ASIC2: variants seen among roughly 807,000 people sequenced by gnomAD.
The protein encoded by ASIC2 is acid-sensing ion channel 2.
In ASIC2, 25 loss-of-function variants were observed where a neutral mutation model predicts 57.3. That is an observed-to-expected ratio of 0.44 (90% confidence interval 0.32 to 0.61). The LOEUF (loss-of-function observed/expected upper bound fraction) is 0.61. ASIC2 is among the 20% of genes least tolerant of loss of function. The pLI, the probability that ASIC2 is intolerant of heterozygous loss-of-function variation, is 0.06. For missense variants in ASIC2, 641 were observed against 738.1 expected (o/e 0.87, Z 1.52); for synonymous variants, 319 against 307.5 (o/e 1.04, Z -0.39).
At chr17:33,674,939 A>G (rs984782571) in intron 1 of ASIC2, among the ~76,000 whole-genome samples, 1 of 152,198 alleles carries the variant, frequency 6.6e-6, no homozygotes, top group Non-Finnish European at 1.5e-5. Flanking sequence ...TTTGTCTTAA[A>G]AATGAGAATG....
chr17:33,182,259 A>C (rs950798923), intron 1 of ASIC2, among the ~76,000 whole-genome samples: 2 of 152,264 alleles, frequency 1.3e-5, no homozygotes, highest in South Asian at 4.1e-4. Flanking sequence ...TGGACTTTGT[A>C]AAAAACAAGA....
At chr17:34,151,583 G>A (rs2142144539) in intron 1 of ASIC2, among the ~76,000 whole-genome samples, 1 of 152,280 alleles carries the variant, frequency 6.6e-6, no homozygotes, top group Middle Eastern at 3.4e-3. Flanking sequence ...TGGTGGGTAA[G>A]GAGAGGACGT....
chr17:33,082,571 A>G (rs1044007678), intron 3 of ASIC2, among the ~76,000 whole-genome samples: 36 of 152,072 alleles, frequency 2.4e-4, no homozygotes, highest in African/African-American at 8.5e-4. Context: ...TGGTGGCACA[A>G]GCCTGTAATT....
intron 3 of ASIC2, among the ~76,000 whole-genome samples, chr17:33,081,496 T>C (rs142760762): frequency 4.5e-4 from 69 of 152,228 alleles, no homozygotes; most frequent in African/African-American, 1.6e-3. Flanking sequence ...TCCATATTTA[T>C]GCGGCTCCAT....
At chr17:33,350,582 T>C (rs1908124398) in intron 1 of ASIC2, among the ~76,000 whole-genome samples, 1 of 151,364 alleles carries the variant, frequency 6.6e-6, no homozygotes, top group African/African-American at 2.4e-5. Flanking sequence ...CTCAGGAGGC[T>C]GAGGCACGAG....
In ASIC2 at chr17:33,779,183, AC is replaced by A. The variant is rs964013854; in HGVS notation, c.555+376794del. ...AACTATTGGCAGTCATTTTGTAAAC[AC>A]ATTTGGCTTCCCAGGGTGTCTGCTT... On this transcript the variant is annotated intron_variant, in intron 1 of 9. Coordinates refer to the ASIC2 transcript ENST00000359872. 5.9e-5 allele frequency among the ~76,000 whole-genome samples: 9 copies of A among 152,158 alleles called. No homozygotes were observed. The South Asian group carries it at 1.2e-3, about 21-fold the overall frequency.
chr17:33,516,755 A>G (rs1914584547), intron 1 of ASIC2, among the ~76,000 whole-genome samples: 1 of 152,140 alleles, frequency 6.6e-6, no homozygotes, highest in South Asian at 2.1e-4. Context: ...GTGCCTGTAA[A>G]TGGATCAGGA....
chr17:33,635,005 A>G (rs1455948340), intron 1 of ASIC2: 3 of 152,232 alleles, frequency 2.0e-5, no homozygotes, highest in Non-Finnish European at 2.9e-5. Context: ...ACACATTCCA[A>G]GTCACACATT....
At chr17:33,977,817 G>A (rs1205216088) in intron 1 of ASIC2, among the ~76,000 whole-genome samples, 1 of 152,202 alleles carries the variant, frequency 6.6e-6, no homozygotes, top group East Asian at 1.9e-4. Context: ...GGACAGAGAA[G>A]GCCTGCCCTG....
intron 1 of ASIC2, among the ~76,000 whole-genome samples, chr17:34,028,801 C>T (rs1230109151): frequency 1.3e-5 from 2 of 152,162 alleles, no homozygotes; most frequent in Admixed American, 1.3e-4. Context: ...GCCCTGGCCT[C>T]ATCAAATGCA....
chr17:33,418,627 T>C (rs959673003), intron 1 of ASIC2, among the ~76,000 whole-genome samples: 2 of 152,214 alleles, frequency 1.3e-5, no homozygotes, highest in African/African-American at 4.8e-5. Flanking sequence ...AAATAGGGAA[T>C]CCTTTCCCCA....
At chr17:34,034,135 C>T (rs1209867202) in intron 1 of ASIC2, among the ~76,000 whole-genome samples, 1 of 152,176 alleles carries the variant, frequency 6.6e-6, no homozygotes, top group Non-Finnish European at 1.5e-5. Flanking sequence ...AAACCGAATC[C>T]AGCAGCACAT....
rs541600199 is a variant in ASIC2, at chr17:33,068,611, C to T, written c.987+20252G>A. Among the ~76,000 whole-genome samples, 3 of 152,308 alleles carry T rather than the reference C, an allele frequency of 2.0e-5. No individual in the cohort carries two copies. The East Asian group carries it at 5.8e-4, about 29-fold the overall frequency. ...GAATTTAAGCAGTTGCAACTCAGTG[C>T]CAAGCCCTAAATTGGTAAATATATT... On this transcript the variant is annotated intron_variant, in intron 3 of 9. Transcript: ENST00000225823.
intron 1 of ASIC2, among the ~76,000 whole-genome samples, chr17:33,829,793 G>C (rs1913049600): frequency 6.6e-6 from 1 of 152,012 alleles, no homozygotes; most frequent in African/African-American, 2.4e-5. Flanking sequence ...TCGAAACTCT[G>C]ACCTCATAAC....
chr17:33,136,941 C>G (rs1335397394), intron 1 of ASIC2, among the ~76,000 whole-genome samples: 1 of 152,230 alleles, frequency 6.6e-6, no homozygotes, highest in Non-Finnish European at 1.5e-5. Flanking sequence ...GTTTCTTAAT[C>G]TCTCTGAGCC....
intron 1 of ASIC2, among the ~76,000 whole-genome samples, chr17:33,579,576 G>A (rs944144723): frequency 1.3e-5 from 2 of 152,152 alleles, no homozygotes; most frequent in Admixed American, 1.3e-4. Flanking sequence ...ACTGGTGAGT[G>A]TTACAGCTCT....
At chr17:33,302,979 A>G (rs1906019324) in intron 1 of ASIC2, among the ~76,000 whole-genome samples, 1 of 152,306 alleles carries the variant, frequency 6.6e-6, no homozygotes, top group African/African-American at 2.4e-5. Flanking sequence ...ATTAAATCGT[A>G]ATGGCCATAA....
chr17:33,669,929 T>C (rs1319733470), intron 1 of ASIC2, among the ~76,000 whole-genome samples: 2 of 152,062 alleles, frequency 1.3e-5, no homozygotes, highest in African/African-American at 4.8e-5. Context: ...GTGCACTGTC[T>C]GAAAAAGGGA....
chr17:33,728,449 T>C (rs558234099), intron 1 of ASIC2, among the ~76,000 whole-genome samples: 1 of 152,328 alleles, frequency 6.6e-6, no homozygotes, highest in Admixed American at 6.5e-5. Context: ...GCACAACTTA[T>C]GGGACCCCTA....
Sources: gnomAD v4.1 joint callset for allele counts (sites outside exome capture counted in the v4.1 genomes callset) on GRCh38, gnomAD v4.1.1 for gene constraint, MANE v1.5 for transcripts, NCBI Gene and HGNC (gene_info 2026-07-23, HGNC 2026-07-21) for gene names.